MAST4: variants seen among roughly 807,000 people sequenced by gnomAD.
MAST4 encodes the protein microtubule associated serine/threonine kinase family member 4, also known as microtubule-associated serine/threonine-protein kinase 4.
A neutral mutation model predicts 162.7 loss-of-function variants in MAST4; 89 were observed. That is an observed-to-expected ratio of 0.55 (90% confidence interval 0.46 to 0.65). The LOEUF (loss-of-function observed/expected upper bound fraction) is 0.65, where lower values mean the gene tolerates loss of function less well. Among genes scored for constraint, MAST4 ranks in the 30% least tolerant of loss-of-function variants. The probability of loss-of-function intolerance (pLI) is 0.00; values close to 1 mark genes in which losing one functional copy is unlikely to be tolerated. For synonymous variants in MAST4, 1,479 were observed against 1,361.1 expected (o/e 1.09, Z -1.91); for missense variants, 3,153 against 3,374.0 (o/e 0.93, Z 1.62).
chr5:67,022,573 T>TA, intron 4 of MAST4, among the ~76,000 whole-genome samples: 1 of 152,266 alleles, frequency 6.6e-6, no homozygotes, highest in East Asian at 1.9e-4. Context: ...GGATAAAAGA[T>TA]ACTTTTATAG....
chr5:67,104,521 C>T lies in MAST4; in HGVS notation c.1302C>T (p.Ile434=), dbSNP rs1561657497. Residue 434 remains isoleucine, a synonymous_variant, in exon 10 of 29, where the codon ATC becomes ATT. Transcript: ENST00000403625. ...DCLDKSHQGL[I]TSRYFLELQH... ...TGGATAAATCCCACCAGGGCCTCAT[C>T]ACCTCACGATACTTCCTTGAATTAC... 1.2e-6 allele frequency: 2 copies of T among 1,613,890 alleles called. No homozygotes were observed. The highest frequency in any genetic ancestry group is 1.7e-6 in the Non-Finnish European group (2 of 1,179,838).
At position 66,772,332 on chromosome 5, in the gene MAST4, T is replaced by C. The variant is rs1481561414; in HGVS notation, c.517+12470T>C. Among the ~76,000 whole-genome samples the C allele has an allele frequency of 2.0e-5, 3 of 152,218 alleles. No homozygotes were observed. In the East Asian group the frequency reaches 5.8e-4, roughly 29 times the overall value. On this transcript the variant is annotated intron_variant, in intron 2 of 28. Coordinates refer to ENST00000403625, the MANE Select transcript of MAST4 (RefSeq NM_001164664.2). ...ATACTTTTCTTTTTCCCTTTCTTCA[T>C]GTTTCAATTTATGTTTTTTTAAGAT...
chr5:66,917,739 C>T (rs894494043), intron 4 of MAST4, among the ~76,000 whole-genome samples: 1 of 151,984 alleles, frequency 6.6e-6, no homozygotes, highest in African/African-American at 2.4e-5. Flanking sequence ...ACTCTCTATT[C>T]TACTCCTATC....
chr5:67,054,583 T>A (rs1758580520), intron 5 of MAST4, 91 bp downstream of exon 5: 1 of 1,110,376 alleles, frequency 9.0e-7, no homozygotes, highest in East Asian at 2.7e-5. Context: ...TGGTATGTCT[T>A]CACATGTTAT....
chr5:66,650,776 G>C (rs1746168164), intron 1 of MAST4, among the ~76,000 whole-genome samples: 1 of 152,114 alleles, frequency 6.6e-6, no homozygotes, highest in Non-Finnish European at 1.5e-5. Context: ...TACATAACAT[G>C]GAATACTCCA....
chr5:66,866,440 A>G (rs898379562), intron 3 of MAST4, among the ~76,000 whole-genome samples: 2 of 152,168 alleles, frequency 1.3e-5, no homozygotes, highest in Admixed American at 6.5e-5. Context: ...TTTGATGTTC[A>G]TTTGGGTTTC....
At chr5:66,665,162 T>C (rs1747168531) in intron 1 of MAST4, among the ~76,000 whole-genome samples, 1 of 152,228 alleles carries the variant, frequency 6.6e-6, no homozygotes, top group African/African-American at 2.4e-5. Context: ...CGAAGAGTTT[T>C]GTTTAAAAGA....
At chr5:67,043,232 T>C (rs1207040856) in intron 4 of MAST4, among the ~76,000 whole-genome samples, 1 of 152,208 alleles carries the variant, frequency 6.6e-6, no homozygotes, top group Non-Finnish European at 1.5e-5. Flanking sequence ...TAAATAGTTC[T>C]AGTGGTAGCA....
intron 4 of MAST4, among the ~76,000 whole-genome samples, chr5:66,916,137 T>C (rs376427474): frequency 1.3e-5 from 2 of 152,330 alleles, no homozygotes; most frequent in East Asian, 3.9e-4. Flanking sequence ...TTGGGTTAAA[T>C]GTTATGAAAA....
chr5:67,037,420 A>G lies in MAST4; in HGVS notation c.675-16984A>G, dbSNP rs1756157871. ...TTTAGGCTGGTGTGACTCAGACAGA[A>G]CTGGATCTGTATTATGGAGTAGAGT... is the stretch of plus-strand genomic sequence containing the variant. On this transcript the variant is annotated intron_variant, in intron 4 of 28. Coordinates refer to ENST00000403625, the MANE Select transcript of MAST4 (RefSeq NM_001164664.2). 2.0e-5 allele frequency among the ~76,000 whole-genome samples: 3 copies of G among 152,260 alleles called. No individual in the cohort carries two copies. The South Asian group carries it at 6.2e-4, about 32-fold the overall frequency.
chr5:66,830,335 T>C (rs1044278182), intron 3 of MAST4, among the ~76,000 whole-genome samples: 1 of 152,184 alleles, frequency 6.6e-6, no homozygotes, highest in African/African-American at 2.4e-5. Flanking sequence ...AAGCATATAG[T>C]GCTTGTGAGG....
chr5:67,122,374 T>C (rs1350829199), intron 14 of MAST4, among the ~76,000 whole-genome samples: 2 of 152,236 alleles, frequency 1.3e-5, no homozygotes. Context: ...GTCCCTTCTA[T>C]GCTTCACTGA....
At chr5:67,091,277 A>T (rs1270568364) in intron 6 of MAST4, among the ~76,000 whole-genome samples, 1 of 152,186 alleles carries the variant, frequency 6.6e-6, no homozygotes, top group Non-Finnish European at 1.5e-5. Flanking sequence ...TGTAATTAAG[A>T]TTTCATTATA....
intron 3 of MAST4, among the ~76,000 whole-genome samples, chr5:66,806,736 A>G (rs1756207241): frequency 6.6e-6 from 1 of 152,244 alleles, no homozygotes; most frequent in Non-Finnish European, 1.5e-5. Flanking sequence ...AACATCTTTA[A>G]GCATACATTT....
intron 4 of MAST4, among the ~76,000 whole-genome samples, chr5:66,982,874 G>A (rs1437584124): frequency 6.6e-6 from 1 of 152,140 alleles, no homozygotes; most frequent in Non-Finnish European, 1.5e-5. Flanking sequence ...CCCTTTTACT[G>A]GTGATTAATT....
At chr5:66,897,583 AT>A (rs1762767209) in intron 3 of MAST4, among the ~76,000 whole-genome samples, 1 of 152,172 alleles carries the variant, frequency 6.6e-6, no homozygotes, top group Admixed American at 6.5e-5. Context: ...TCTGATTCCA[AT>A]TTGCTACCAA....
chr5:67,100,751 T>C (rs1217718629), intron 8 of MAST4, among the ~76,000 whole-genome samples, 159 bp downstream of exon 8: 3 of 152,250 alleles, frequency 2.0e-5, no homozygotes, highest in Admixed American at 1.3e-4. Context: ...TATTGTTAAT[T>C]ACCATTGAAA....
At position 66,866,058 on chromosome 5, in the gene MAST4, G is replaced by C. The variant is rs149843079; in HGVS notation, c.643-33893G>C. Among the ~76,000 whole-genome samples, 739 of 132,418 alleles carry C rather than the reference G, an allele frequency of 5.6e-3. 4 individuals carry two copies. The highest frequency in any genetic ancestry group is 0.02 in the African/African-American group (699 of 34,752). The allele number at this position is 132,418 out of a possible 152,430, so 86.9% of individuals were successfully genotyped here. ...CCACCACACTCCAGCCTGGGTGACA[G>C]AGTGAATCTCCATCTCAAAAAAAAA... On this transcript the variant is annotated intron_variant, in intron 3 of 28. Coordinates refer to ENST00000403625, the MANE Select transcript of MAST4 (RefSeq NM_001164664.2).
intron 3 of MAST4, among the ~76,000 whole-genome samples, chr5:66,831,288 G>A (rs1454672609): frequency 6.6e-6 from 1 of 152,084 alleles, no homozygotes; most frequent in Non-Finnish European, 1.5e-5. Flanking sequence ...TATTTACAGG[G>A]ATCATTATGA....
Sources: gnomAD v4.1 joint callset for allele counts (sites outside exome capture counted in the v4.1 genomes callset) on GRCh38, gnomAD v4.1.1 for gene constraint, MANE v1.5 for transcripts, NCBI Gene and HGNC (gene_info 2026-07-23, HGNC 2026-07-21) for gene names.